The following NEMP2 variants were observed in gnomAD, a reference collection of about 807,000 sequenced individuals.
The protein encoded by NEMP2 is UPF0571 transmembrane protein.
Under a neutral mutation model 54.2 loss-of-function variants are expected in NEMP2, and 53 were observed. That is an observed-to-expected ratio of 0.98 (90% CI 0.78 to 1.23). The LOEUF (loss-of-function observed/expected upper bound fraction) is 1.23. Among genes scored for constraint, NEMP2 ranks in the 50% most tolerant of loss-of-function variants. The pLI, the probability that NEMP2 is intolerant of heterozygous loss-of-function variation, is 0.00. For synonymous variants in NEMP2, 197 were observed against 190.3 expected, an observed-to-expected ratio of 1.04 and a Z score of -0.29; for missense variants, 455 against 511.3, an observed-to-expected ratio of 0.89 and a Z score of 1.06.
chr2:190,492,263 G>A, the NEMP2 span, among the ~76,000 whole-genome samples: 2 of 152,146 alleles, frequency 1.3e-5, no homozygotes, highest in African/African-American at 4.8e-5. This position sits in a 1 kb window ranked among gnomAD's most constrained non-coding sequence, Gnocchi z 5.2. Flanking sequence ...ACTTGCTAGA[G>A]ACCTAAACAT....
chr2:190,576,175 TGCCCAAGCTAGTCTTG>T, the NEMP2 span, among the ~76,000 whole-genome samples: 1 of 152,100 alleles, frequency 6.6e-6, no homozygotes, highest in African/African-American at 2.4e-5. Context: ...CTCGCTATGC[TGCCCAAGCTAGTCTTG>T]AATTTCTGGT....
At chr2:190,582,989 T>C in the NEMP2 span, among the ~76,000 whole-genome samples, 39 of 152,300 alleles carry the variant, frequency 2.6e-4, no homozygotes, top group African/African-American at 8.9e-4. This position sits in a 1 kb window ranked among gnomAD's most constrained non-coding sequence, Gnocchi z 4.6. Context: ...AGTTCTCATA[T>C]AACTAAGAGG....
the NEMP2 span, among the ~76,000 whole-genome samples, chr2:190,446,857 C>T: frequency 1.3e-5 from 2 of 152,302 alleles, no homozygotes; most frequent in South Asian, 2.1e-4. Context: ...CCATCTAAGA[C>T]TGTACTGATT....
the NEMP2 span, among the ~76,000 whole-genome samples, chr2:190,541,320 T>G: frequency 6.6e-6 from 1 of 152,064 alleles, no homozygotes; most frequent in Middle Eastern, 3.2e-3. This position sits in a 1 kb window ranked among gnomAD's most constrained non-coding sequence, Gnocchi z 5.2. Flanking sequence ...TTCAGGGGCA[T>G]TGTTAGGTTA....
chr2:190,482,885 T>TC, the NEMP2 span, among the ~76,000 whole-genome samples: 16 of 38,930 alleles, frequency 4.1e-4, no homozygotes, highest in African/African-American at 1.0e-3. Flanking sequence ...TTTTTTTTTT[T>TC]TTTTTTTTTT....
At chr2:190,447,496 G>A in the NEMP2 span, among the ~76,000 whole-genome samples, 3 of 152,008 alleles carry the variant, frequency 2.0e-5, no homozygotes, top group African/African-American at 7.2e-5. The surrounding 1 kb of genome is among the most constrained non-coding windows in gnomAD (Gnocchi z 4.5). Context: ...CATATAGTCT[G>A]TGTCATAGCA....
At chr2:190,497,342 G>T in the NEMP2 span, 1 of 1,339,616 alleles carries the variant, frequency 7.5e-7, no homozygotes. This position sits in a 1 kb window ranked among gnomAD's most constrained non-coding sequence, Gnocchi z 5.2. Context: ...ACTCTGGAAT[G>T]GGTATATGGG....
At chr2:190,452,469 C>A in the NEMP2 span, among the ~76,000 whole-genome samples, 2 of 152,070 alleles carry the variant, frequency 1.3e-5, no homozygotes, top group African/African-American at 4.8e-5. Flanking sequence ...TTGTTATGTC[C>A]ATTTTAGAGA....
chr2:190,461,643 C>T, the NEMP2 span, among the ~76,000 whole-genome samples: 1 of 152,122 alleles, frequency 6.6e-6, no homozygotes, highest in African/African-American at 2.4e-5. This position sits in a 1 kb window ranked among gnomAD's most constrained non-coding sequence, Gnocchi z 5.5. Context: ...TGTGTTCTCT[C>T]ATGGCAGAAG....
rs1257820689 is a variant in NEMP2, at chr2:190,533,174, T to C, written c.97+1385A>G. Among the ~76,000 whole-genome samples the C allele has an allele frequency of 6.6e-6, 1 of 152,230 alleles. No individual in the cohort carries two copies. The highest frequency in any genetic ancestry group is 1.5e-5 in the Non-Finnish European group (1 of 68,036). On this transcript the variant is annotated intron_variant, in intron 1 of 8. Coordinates refer to ENST00000409150, the MANE Select transcript of NEMP2 (RefSeq NM_001142645.2). The surrounding 1 kb of genome is among the most constrained non-coding windows in gnomAD (Gnocchi z 4.3). ...CTACGGTCCATAAAGACTCTGTGCC[T>C]GGACCAAGGTTATACCACAAGTTGT...
In NEMP2 at chr2:190,525,103, C is replaced by A. The variant is rs1002605363; in HGVS notation, c.213+160G>T. Among the ~76,000 whole-genome samples, 3 of 152,178 alleles carry A rather than the reference C, an allele frequency of 2.0e-5. No individual in the cohort carries two copies. The East Asian group carries it at 5.8e-4, about 29-fold the overall frequency. The stretch of plus-strand genomic sequence containing the variant: ...AGTGTCCTCTTCTCACACTGCTCAC[C>A]CATTGAACCACTGTGTGTGATCCTC... On this transcript the variant is annotated intron_variant, in intron 2 of 8. Transcript: ENST00000409150. This position sits in a 1 kb window ranked among gnomAD's most constrained non-coding sequence, Gnocchi z 5.0.
At chr2:190,589,464 C>A in the NEMP2 span, among the ~76,000 whole-genome samples, 21 of 152,250 alleles carry the variant, frequency 1.4e-4, no homozygotes, top group Non-Finnish European at 2.5e-4. The surrounding 1 kb of genome is among the most constrained non-coding windows in gnomAD (Gnocchi z 4.3). Flanking sequence ...AAGAACACAA[C>A]CAGCATGACT....
the NEMP2 span, among the ~76,000 whole-genome samples, chr2:190,566,949 G>C: frequency 6.6e-6 from 1 of 151,738 alleles, no homozygotes; most frequent in African/African-American, 2.4e-5. Context: ...TTAAATATAA[G>C]TCGGCAAAAA....
chr2:190,437,497 C>G, the NEMP2 span: 1 of 1,614,208 alleles, frequency 6.2e-7, no homozygotes, highest in Non-Finnish European at 8.5e-7. The surrounding 1 kb of genome is among the most constrained non-coding windows in gnomAD (Gnocchi z 5.9). Context: ...AGTCCTGAGT[C>G]ATGTGTCTGA....
At chr2:190,472,138 G>GA in the NEMP2 span, among the ~76,000 whole-genome samples, 8 of 152,082 alleles carry the variant, frequency 5.3e-5, no homozygotes, top group South Asian at 1.0e-3. Context: ...CAAAGATGGG[G>GA]AAAAAACAGA....
At chr2:190,431,029 G>C in the NEMP2 span, among the ~76,000 whole-genome samples, 1 of 114,888 alleles carries the variant, frequency 8.7e-6, no homozygotes, top group East Asian at 2.6e-4. The surrounding 1 kb of genome is among the most constrained non-coding windows in gnomAD (Gnocchi z 4.4). Flanking sequence ...CCCAGACGGG[G>C]TCGCGGCCGG....
upstream of NEMP2, among the ~76,000 whole-genome samples, chr2:190,536,505 G>T (rs1021390492): frequency 3.9e-5 from 6 of 152,228 alleles, no homozygotes; most frequent in Admixed American, 3.3e-4. Flanking sequence ...ATGGGAAAGT[G>T]TCAGGAATAC....
chr2:190,438,983 T>G, the NEMP2 span, among the ~76,000 whole-genome samples: 1 of 152,128 alleles, frequency 6.6e-6, no homozygotes, highest in African/African-American at 2.4e-5. The surrounding 1 kb of genome is among the most constrained non-coding windows in gnomAD (Gnocchi z 5.2). Context: ...ACCACCAAAG[T>G]CAGGGACTGT....
chr2:190,486,969 T>A, the NEMP2 span, among the ~76,000 whole-genome samples: 3 of 152,358 alleles, frequency 2.0e-5, no homozygotes, highest in Admixed American at 6.5e-5. Context: ...TGTCTTCCTC[T>A]CATTCCCATA....
Sources: gnomAD v4.1 joint callset for allele counts (sites outside exome capture counted in the v4.1 genomes callset) on GRCh38, gnomAD v4.1.1 for gene constraint, Gnocchi (gnomAD v3.1) non-coding constraint, MANE v1.5 for transcripts, NCBI Gene and HGNC (gene_info 2026-07-23, HGNC 2026-07-21) for gene names.